PIK3C2G: variants seen among roughly 807,000 people sequenced by gnomAD.
PIK3C2G encodes the protein phosphatidylinositol-4-phosphate 3-kinase catalytic subunit type 2 gamma, also known as phosphatidylinositol 3-kinase C2 domain-containing subunit gamma.
PIK3C2G carries 168 observed loss-of-function variants against 181.1 expected under a neutral mutation model. The ratio of observed to expected loss-of-function variants is 0.93; its 90% CI spans 0.82 to 1.05. PIK3C2G has a LOEUF of 1.05. PIK3C2G is among the 50% of genes least tolerant of loss of function. The pLI is 0.00. For synonymous variants in PIK3C2G, 573 were observed against 592.2 expected (o/e 0.97, Z 0.47); for missense variants, 1,869 against 1,732.8 (o/e 1.08, Z -1.40).
chr12:18,394,001 A>G (rs1282976672), intron 15 of PIK3C2G, among the ~76,000 whole-genome samples: 2 of 152,100 alleles, frequency 1.3e-5, no homozygotes, highest in Non-Finnish European at 2.9e-5. Flanking sequence ...GTGCTAAACT[A>G]CTCAACTTTC....
chr12:18,594,453 A>G (rs12827507), intron 29 of PIK3C2G, 41 bp from the exon 30 acceptor site: 240,314 of 1,243,532 alleles, frequency 0.19, 24,540 homozygotes, highest in South Asian at 0.22. Flanking sequence ...AGTAACAAAT[A>G]TAAGAAATAA....
At chr12:18,590,499 C>G (rs994511877) in intron 29 of PIK3C2G, among the ~76,000 whole-genome samples, 2 of 151,806 alleles carry the variant, frequency 1.3e-5, no homozygotes, top group Non-Finnish European at 2.9e-5. Flanking sequence ...GAAAATGGCC[C>G]CTTAGAGTTG....
At chr12:18,529,010 A>C (rs1305912726) in intron 24 of PIK3C2G, among the ~76,000 whole-genome samples, 1 of 152,156 alleles carries the variant, frequency 6.6e-6, no homozygotes, top group Admixed American at 6.6e-5. Context: ...TAGTTGTTAA[A>C]ATTTGTTCAA....
intron 18 of PIK3C2G, among the ~76,000 whole-genome samples, chr12:18,464,935 G>T (rs1197904317): frequency 6.6e-6 from 1 of 151,546 alleles, no homozygotes; most frequent in Non-Finnish European, 1.5e-5. Context: ...TTCATTTTCT[G>T]TTTCTTTACC....
chr12:18,516,150 G>A (rs1378573979), intron 24 of PIK3C2G, among the ~76,000 whole-genome samples: 2 of 151,836 alleles, frequency 1.3e-5, no homozygotes, highest in Non-Finnish European at 2.9e-5. Flanking sequence ...TTTCATGTAA[G>A]ACAGATCCGG....
intron 31 of PIK3C2G, among the ~76,000 whole-genome samples, chr12:18,627,201 T>C (rs1949140142): frequency 6.6e-6 from 1 of 152,054 alleles, no homozygotes; most frequent in Non-Finnish European, 1.5e-5. Flanking sequence ...TATATTCTTC[T>C]TCTCTATGAT....
the PIK3C2G span, among the ~76,000 whole-genome samples, chr12:18,697,230 C>T: frequency 9.2e-5 from 14 of 152,040 alleles, no homozygotes; most frequent in Admixed American, 2.6e-4. Context: ...ATAGAATCAC[C>T]TCTCCCTTCA....
chr12:18,388,713 C>G (rs1943341961), intron 14 of PIK3C2G, among the ~76,000 whole-genome samples: 2 of 152,208 alleles, frequency 1.3e-5, no homozygotes, highest in African/African-American at 4.8e-5. Flanking sequence ...GGGACATTCA[C>G]AACAGCTCCC....
intron 15 of PIK3C2G, among the ~76,000 whole-genome samples, chr12:18,391,886 TGTGA>T (rs745325193): frequency 6.6e-6 from 1 of 151,746 alleles, no homozygotes; most frequent in Admixed American, 6.6e-5. Context: ...TGTGTGTGTG[TGTGA>T]GAGAGAGAGA....
the PIK3C2G span, among the ~76,000 whole-genome samples, chr12:18,702,135 C>T: frequency 9.9e-5 from 15 of 151,856 alleles, no homozygotes; most frequent in African/African-American, 2.2e-4. Flanking sequence ...TGGTAGTAAA[C>T]GCTTCAGCTC....
chr12:18,292,227 A>AAT (rs1555149102), intron 4 of PIK3C2G, among the ~76,000 whole-genome samples: 1,252 of 48,446 alleles, frequency 0.026, 43 homozygotes, highest in Non-Finnish European at 0.031. Context: ...AAAAAAAAAA[A>AAT]ATATATATAT....
chr12:18,594,991 T>A (rs1947283313), intron 30 of PIK3C2G, among the ~76,000 whole-genome samples: 1 of 152,096 alleles, frequency 6.6e-6, no homozygotes, highest in Admixed American at 6.6e-5. Context: ...GAACTTTTTT[T>A]ATTTCTTACA....
chr12:18,388,155 C>T (rs956096103), intron 14 of PIK3C2G, among the ~76,000 whole-genome samples: 9 of 152,066 alleles, frequency 5.9e-5, no homozygotes, highest in Admixed American at 1.3e-4. Flanking sequence ...ATATGGATCC[C>T]TCTTTTACAA....
At chr12:18,680,968 T>C in the PIK3C2G span, among the ~76,000 whole-genome samples, 1 of 152,066 alleles carries the variant, frequency 6.6e-6, no homozygotes, top group African/African-American at 2.4e-5. Context: ...GTCATTTATG[T>C]CAGCCAGGAT....
chr12:18,611,136 G>A (rs1948309482), intron 31 of PIK3C2G, among the ~76,000 whole-genome samples: 1 of 152,092 alleles, frequency 6.6e-6, no homozygotes, highest in Non-Finnish European at 1.5e-5. Flanking sequence ...CAGTACCAAT[G>A]AAGATCTTCA....
At chr12:18,688,488 T>C in the PIK3C2G span, among the ~76,000 whole-genome samples, 1 of 152,018 alleles carries the variant, frequency 6.6e-6, no homozygotes, top group Non-Finnish European at 1.5e-5. Context: ...TTTAAAATCA[T>C]TTGTTATGAT....
chr12:18,262,145 T>C (rs543935118), intron 1 of PIK3C2G, among the ~76,000 whole-genome samples: 1 of 152,242 alleles, frequency 6.6e-6, no homozygotes, highest in East Asian at 1.9e-4. Context: ...GCGGTCCGTC[T>C]CTGCTGTTTG....
At chr12:18,685,113 T>A in the PIK3C2G span, among the ~76,000 whole-genome samples, 4 of 152,154 alleles carry the variant, frequency 2.6e-5, no homozygotes, top group South Asian at 8.3e-4. Context: ...ATACAGTCAG[T>A]CTTATTATGG....
At chr12:18,260,018 T>C (rs1948194885), upstream of PIK3C2G, among the ~76,000 whole-genome samples, 1 of 152,132 alleles carries the variant, frequency 6.6e-6, no homozygotes, top group African/African-American at 2.4e-5. Context: ...TTGAAGAACA[T>C]ATTTTCAAAG....
Sources: gnomAD v4.1 joint callset for allele counts (sites outside exome capture counted in the v4.1 genomes callset) on GRCh38, gnomAD v4.1.1 for gene constraint, MANE v1.5 for transcripts, NCBI Gene and HGNC (gene_info 2026-07-23, HGNC 2026-07-21) for gene names.